Variants in KIAA0232 observed in about 807,000 individuals in gnomAD.
The protein encoded by KIAA0232 is uncharacterized protein KIAA0232.
A neutral mutation model predicts 122.0 loss-of-function variants in KIAA0232; 27 were observed. The ratio of observed to expected loss-of-function variants is 0.22; its 90% confidence interval spans 0.16 to 0.31. KIAA0232 has a LOEUF of 0.31. Ranked by LOEUF, KIAA0232 falls within the 10% of genes least tolerant of loss-of-function variation. The pLI is 1.00. For synonymous variants in KIAA0232, 613 were observed against 587.6 expected, an observed-to-expected ratio of 1.04 and a Z score of -0.63; for missense variants, 1,551 against 1,634.2, an observed-to-expected ratio of 0.95 and a Z score of 0.88.
At chr4:6,828,092 T>C (rs1718786089) in intron 3 of KIAA0232, among the ~76,000 whole-genome samples, 1 of 152,216 alleles carries the variant, frequency 6.6e-6, no homozygotes, top group Non-Finnish European at 1.5e-5. Flanking sequence ...AAGCTTTTCA[T>C]TATCGTTACT....
intron 7 of KIAA0232, chr4:6,866,246 A>G: frequency 2.0e-6 from 2 of 983,362 alleles, no homozygotes; most frequent in Non-Finnish European, 2.4e-6. Context: ...TACCACTACC[A>G]TATTCCTTCG....
At chr4:6,819,944 T>G (rs952700135) in intron 2 of KIAA0232, among the ~76,000 whole-genome samples, 2 of 152,182 alleles carry the variant, frequency 1.3e-5, no homozygotes, top group Non-Finnish European at 2.9e-5. Flanking sequence ...CCATGTCCTT[T>G]GCAGCAACGT....
chr4:6,816,459 A>G (rs1030033400), intron 2 of KIAA0232, among the ~76,000 whole-genome samples: 10 of 151,422 alleles, frequency 6.6e-5, no homozygotes, highest in African/African-American at 2.4e-4. Flanking sequence ...ATTTTTTTGT[A>G]TTTTAGTAGA....
chr4:6,820,720 C>G (rs1232535477), intron 2 of KIAA0232, among the ~76,000 whole-genome samples: 1 of 152,150 alleles, frequency 6.6e-6, no homozygotes, highest in Non-Finnish European at 1.5e-5. Flanking sequence ...AATAATAAGA[C>G]AAATGTTGTT....
At chr4:6,806,272 T>TA (rs968990195) in intron 2 of KIAA0232, among the ~76,000 whole-genome samples, 4 of 152,048 alleles carry the variant, frequency 2.6e-5, no homozygotes, top group African/African-American at 9.6e-5. Context: ...TGATAACCTG[T>TA]AAAAAAAAAT....
intron 3 of KIAA0232, among the ~76,000 whole-genome samples, chr4:6,825,690 A>G (rs999044547): frequency 2.0e-5 from 3 of 152,196 alleles, no homozygotes; most frequent in African/African-American, 7.2e-5. Flanking sequence ...GGCCTGCCAG[A>G]GGGAACCAGA....
chr4:6,857,702 A>T (rs1720636336), intron 5 of KIAA0232, among the ~76,000 whole-genome samples: 2 of 152,210 alleles, frequency 1.3e-5, no homozygotes, highest in South Asian at 4.1e-4. Context: ...GTTTTGACTC[A>T]GCTTTTTTGA....
intron 2 of KIAA0232, among the ~76,000 whole-genome samples, chr4:6,814,804 G>A (rs893524359): frequency 1.3e-5 from 2 of 152,062 alleles, no homozygotes; most frequent in Non-Finnish European, 2.9e-5. Flanking sequence ...TCCTACCTCC[G>A]TGAATTAAAG....
At chr4:6,856,761 TG>T (rs1286878878) in intron 4 of KIAA0232, among the ~76,000 whole-genome samples, 1 of 152,214 alleles carries the variant, frequency 6.6e-6, no homozygotes, top group Non-Finnish European at 1.5e-5. Flanking sequence ...GATTTTCCTT[TG>T]TTTTAAGTCT....
chr4:6,852,933 A>T (rs1720372326), intron 4 of KIAA0232, among the ~76,000 whole-genome samples: 1 of 152,204 alleles, frequency 6.6e-6, no homozygotes, highest in South Asian at 2.1e-4. Flanking sequence ...TCACTGTGGG[A>T]GGGGCCCAAC....
chr4:6,800,102 G>T (rs1324910071), intron 1 of KIAA0232, among the ~76,000 whole-genome samples: 2 of 116,884 alleles, frequency 1.7e-5, no homozygotes, highest in African/African-American at 3.5e-5. Flanking sequence ...CTGTCGCCCC[G>T]GTTAGAGTGC....
At chr4:6,809,905 C>G (rs774632129) in intron 2 of KIAA0232, among the ~76,000 whole-genome samples, 2 of 151,968 alleles carry the variant, frequency 1.3e-5, no homozygotes, top group Non-Finnish European at 2.9e-5. Flanking sequence ...AGGAAGACTA[C>G]AAAATACTGA....
At chr4:6,841,792 A>G (rs1719675624) in intron 3 of KIAA0232, among the ~76,000 whole-genome samples, 1 of 152,258 alleles carries the variant, frequency 6.6e-6, no homozygotes, top group African/African-American at 2.4e-5. Context: ...CATCTTTGAA[A>G]GAAATCAAAG....
intron 1 of KIAA0232, among the ~76,000 whole-genome samples, chr4:6,787,112 T>A (rs965629816): frequency 5.1e-4 from 66 of 129,884 alleles, no homozygotes; most frequent in African/African-American, 1.8e-3. Context: ...ACCCGGGAGG[T>A]GGAGGTTGCA....
intron 3 of KIAA0232, among the ~76,000 whole-genome samples, chr4:6,837,195 G>A (rs1481098614): frequency 1.3e-5 from 2 of 150,956 alleles, no homozygotes; most frequent in East Asian, 2.0e-4. Context: ...CTTCCCAGGC[G>A]GGGCGGCTGC....
At chr4:6,801,787 G>A (rs529456680) in intron 1 of KIAA0232, among the ~76,000 whole-genome samples, 24 of 152,254 alleles carry the variant, frequency 1.6e-4, no homozygotes, top group African/African-American at 5.1e-4. Flanking sequence ...AAGTAGAAAC[G>A]TGGATTCTGG....
intron 2 of KIAA0232, among the ~76,000 whole-genome samples, chr4:6,812,296 A>G (rs1577365623): frequency 6.6e-6 from 1 of 152,188 alleles, no homozygotes; most frequent in African/African-American, 2.4e-5. Context: ...CACCGGCTCC[A>G]TGAGGCTGTT....
chr4:6,809,684 A>G (rs1717789699), intron 2 of KIAA0232, among the ~76,000 whole-genome samples: 1 of 152,164 alleles, frequency 6.6e-6, no homozygotes, highest in Non-Finnish European at 1.5e-5. Context: ...AGAAAAACTA[A>G]AGACTCCACC....
chr4:6,849,785 A>G (rs1167879183), intron 4 of KIAA0232, among the ~76,000 whole-genome samples: 1 of 152,140 alleles, frequency 6.6e-6, no homozygotes, highest in Non-Finnish European at 1.5e-5. Flanking sequence ...AAAAAAAGTA[A>G]TTTCTATTTA....
Sources: gnomAD v4.1 joint callset for allele counts (sites outside exome capture counted in the v4.1 genomes callset) on GRCh38, gnomAD v4.1.1 for gene constraint, MANE v1.5 for transcripts, NCBI Gene and HGNC (gene_info 2026-07-23, HGNC 2026-07-21) for gene names.